Variants in CUX2 observed in about 807,000 individuals in gnomAD.
CUX2 encodes the protein homeobox protein cut-like 2.
CUX2 carries 40 observed loss-of-function variants against 144.8 expected under a neutral mutation model. The observed-to-expected ratio is 0.28, with a 90% CI of 0.21 to 0.36. CUX2 has a LOEUF of 0.36. CUX2 is among the 10% of genes least tolerant of loss of function. The probability of loss-of-function intolerance (pLI) is 1.00; values close to 1 mark genes in which losing one functional copy is unlikely to be tolerated. For missense variants in CUX2, 1,615 were observed against 1,994.0 expected, an observed-to-expected ratio of 0.81 and a Z score of 3.62; for synonymous variants, 827 against 875.6, an observed-to-expected ratio of 0.94 and a Z score of 0.98.
chr12:111,269,894 G>T (rs919405842), intron 4 of CUX2, among the ~76,000 whole-genome samples: 3 of 152,132 alleles, frequency 2.0e-5, no homozygotes, highest in Non-Finnish European at 4.4e-5. Flanking sequence ...GCAGGGGCGG[G>T]AGAGCTGTCC....
chr12:111,192,921 A>G (rs979161179), intron 1 of CUX2, among the ~76,000 whole-genome samples: 2 of 152,240 alleles, frequency 1.3e-5, no homozygotes, highest in Non-Finnish European at 2.9e-5. Flanking sequence ...AACATGTCTC[A>G]GTTTTAATTT....
At chr12:111,336,311 TATAAAA>T (rs1290058364) in intron 19 of CUX2, among the ~76,000 whole-genome samples, 1 of 152,136 alleles carries the variant, frequency 6.6e-6, no homozygotes, top group Non-Finnish European at 1.5e-5. Flanking sequence ...CAATTCCTGT[TATAAAA>T]ATAAGACATA....
At chr12:111,276,846 C>G (rs1884902819) in intron 4 of CUX2, among the ~76,000 whole-genome samples, 1 of 152,114 alleles carries the variant, frequency 6.6e-6, no homozygotes, top group South Asian at 2.1e-4. Flanking sequence ...CGGGGTGTCA[C>G]CATATTGGCT....
chr12:111,117,268 T>C (rs1225687601), intron 1 of CUX2, among the ~76,000 whole-genome samples: 1 of 152,220 alleles, frequency 6.6e-6, no homozygotes, highest in Non-Finnish European at 1.5e-5. Context: ...CATACTCGCA[T>C]GACCCATTCA....
At chr12:111,334,399 C>G in intron 18 of CUX2, 42 bp from the exon 19 acceptor site, 10 of 1,531,264 alleles carry the variant, frequency 6.5e-6, no homozygotes, top group Non-Finnish European at 8.8e-6. Context: ...TGTGTCTGTG[C>G]CAGATTATAG....
intron 1 of CUX2, among the ~76,000 whole-genome samples, chr12:111,145,854 TTTTTG>T (rs550078285): frequency 0.026 from 3,997 of 151,696 alleles, 133 homozygotes; most frequent in African/African-American, 0.078. Context: ...TGTTTGTTTG[TTTTTG>T]TTTTGTTTTG....
In CUX2 at chr12:111,115,739, G is replaced by T. The variant is rs1446973870; in HGVS notation, c.63+81499G>T. Among the ~76,000 whole-genome samples, 6 of 152,000 alleles carry T rather than the reference G, an allele frequency of 3.9e-5. No individual in the cohort carries two copies. The East Asian group carries it at 1.2e-3, about 29-fold the overall frequency. On this transcript the variant is annotated intron_variant, in intron 1 of 21. Transcript: ENST00000261726. ...TCCAGCTCCTGTTATACCCTCTGGT[G>T]CCCCCTCTTTTTCTTCTTGGAACTA...
chr12:111,310,333 C>T lies in CUX2; in HGVS notation c.1551C>T (p.Pro517=). Residue 517 remains proline, a synonymous_variant, in exon 15 of 22, where the codon CCC becomes CCT. Coordinates refer to ENST00000261726, the MANE Select transcript of CUX2 (RefSeq NM_015267.4). The surrounding 1 kb of genome is among the most constrained non-coding windows in gnomAD (Gnocchi z 7.9). ...FPPAFYGAKP[P]TAPATPAPGP... is the part of the protein sequence containing the mutation. ...CAGCCTTCTATGGCGCCAAGCCCCC[C>T]ACAGCCCCTGCCACCCCGGCCCCTG... The T allele has an allele frequency of 6.5e-7, 1 of 1,529,868 alleles. No homozygotes were observed. Among genetic ancestry groups the T allele is most frequent in the Admixed American group, 2.0e-5 (1 of 50,650 alleles). 94.8% of individuals were successfully genotyped at this position (1,529,868 alleles called of 1,614,324 possible).
At chr12:111,167,843 C>T (rs934594933) in intron 1 of CUX2, among the ~76,000 whole-genome samples, 2 of 152,028 alleles carry the variant, frequency 1.3e-5, no homozygotes, top group Non-Finnish European at 2.9e-5. Context: ...TACAGGTACA[C>T]GCCACCACGC....
intron 1 of CUX2, among the ~76,000 whole-genome samples, chr12:111,078,589 G>T (rs1477986719): frequency 6.6e-6 from 1 of 152,204 alleles, no homozygotes; most frequent in African/African-American, 2.4e-5. Context: ...AGGATCACTT[G>T]AGCCTGGGAA....
intron 1 of CUX2, among the ~76,000 whole-genome samples, chr12:111,048,933 G>T (rs1411072891): frequency 6.6e-6 from 1 of 151,980 alleles, no homozygotes; most frequent in South Asian, 2.1e-4. Context: ...CAGGGGTTGG[G>T]GGATCACCTC....
At position 111,059,412 on chromosome 12, in the gene CUX2, C is replaced by G. The variant is rs551687717; in HGVS notation, c.63+25172C>G. On this transcript the variant is annotated intron_variant, in intron 1 of 21. Transcript: ENST00000261726. The surrounding 1 kb of genome is among the most constrained non-coding windows in gnomAD (Gnocchi z 5.3). ...TGCCCCTGGCCCCAGCGAGGGGCTTCTTGGCAGAGATAGCCAGGCCAACTC... is the reference window on the plus strand; with the variant it reads ...TGCCCCTGGCCCCAGCGAGGGGCTTGTTGGCAGAGATAGCCAGGCCAACTC... Among the ~76,000 whole-genome samples the G allele has an allele frequency of 7.9e-5, 12 of 152,348 alleles. No homozygotes were observed. The highest frequency in any genetic ancestry group is 2.6e-4 in the African/African-American group (11 of 41,586).
chr12:111,063,516 G>A (rs1286759594), intron 1 of CUX2, among the ~76,000 whole-genome samples: 2 of 152,212 alleles, frequency 1.3e-5, no homozygotes, highest in African/African-American at 2.4e-5. Flanking sequence ...CGGCACCATC[G>A]CCTCCCACAG....
At chr12:111,080,655 G>A (rs1482723488) in intron 1 of CUX2, among the ~76,000 whole-genome samples, 1 of 152,078 alleles carries the variant, frequency 6.6e-6, no homozygotes, top group African/African-American at 2.4e-5. Context: ...CTGGGTGACA[G>A]AGTGAGACCC....
Position 111,304,394 on chromosome 12 carries a change from T to A in CUX2, c.858+80T>A. ...GGCTGAGTTTGCAGGTTTCAGCATG[T>A]GGGTGACACTTTGTGGTTGATTGTG... On this transcript the variant is annotated intron_variant, in intron 10 of 21. Transcript: ENST00000261726. This position sits in a 1 kb window ranked among gnomAD's most constrained non-coding sequence, Gnocchi z 4.7. 1 of 1,156,086 alleles carries A rather than the reference T, an allele frequency of 8.6e-7. No individual in the cohort carries two copies. Among genetic ancestry groups the A allele is most frequent in the Non-Finnish European group, 1.3e-6 (1 of 789,512 alleles). 71.6% of individuals were successfully genotyped at this position (1,156,086 alleles called of 1,614,324 possible).
In CUX2 at chr12:111,158,607, C is replaced by T. The variant is rs530133523; in HGVS notation, c.64-55593C>T. Among the ~76,000 whole-genome samples the T allele has an allele frequency of 1.6e-4, 25 of 151,922 alleles. No individual in the cohort carries two copies. In the South Asian group the frequency reaches 1.9e-3, roughly 11 times the overall value. On this transcript the variant is annotated intron_variant, in intron 1 of 21. Transcript: ENST00000261726. ...GGGAGGAACAGCTGTTTTGAAAGCC[C>T]GGAGCATCTGCATGAAGATGGGTGA...
chr12:111,046,600 T>G (rs1870004508), intron 1 of CUX2, among the ~76,000 whole-genome samples: 1 of 152,196 alleles, frequency 6.6e-6, no homozygotes, highest in South Asian at 2.1e-4. Flanking sequence ...CTCACGCCAC[T>G]GCCGAGGTCC....
intron 1 of CUX2, among the ~76,000 whole-genome samples, chr12:111,090,828 G>GTT (rs1018335916): frequency 1.3e-5 from 2 of 148,970 alleles, no homozygotes; most frequent in Non-Finnish European, 3.0e-5. Flanking sequence ...CACTCTCTCT[G>GTT]TTTTTTTTTT....
chr12:111,098,512 G>A (rs1445522498), intron 1 of CUX2, among the ~76,000 whole-genome samples: 1 of 152,358 alleles, frequency 6.6e-6, no homozygotes, highest in Non-Finnish European at 1.5e-5. Context: ...TTTCAAAGTA[G>A]ATACGCATCT....
Sources: allele counts gnomAD v4.1 joint callset (sites outside exome capture counted in the v4.1 genomes callset), GRCh38; gene constraint gnomAD v4.1.1; non-coding constraint Gnocchi (gnomAD v3.1); transcripts MANE v1.5; gene names NCBI Gene and HGNC (gene_info 2026-07-23, HGNC 2026-07-21).